Variants in NEK11 observed in about 807,000 individuals in gnomAD.
The protein encoded by NEK11 is NIMA related kinase 11.
In NEK11, 72 loss-of-function variants were observed where a neutral mutation model predicts 80.7. The ratio of observed to expected loss-of-function variants is 0.89; its 90% CI spans 0.74 to 1.08. The LOEUF (loss-of-function observed/expected upper bound fraction) is 1.08. Ranked by LOEUF, NEK11 falls within the 50% of genes least tolerant of loss-of-function variation. The probability of loss-of-function intolerance (pLI) is 0.00; values close to 1 mark genes in which losing one functional copy is unlikely to be tolerated. For missense variants in NEK11, 764 were observed against 763.6 expected (o/e 1.00, Z -0.01); for synonymous variants, 251 against 260.7 (o/e 0.96, Z 0.36).
intron 7 of NEK11, among the ~76,000 whole-genome samples, chr3:131,139,618 G>T (rs561732423): frequency 1.3e-5 from 2 of 152,310 alleles, no homozygotes; most frequent in East Asian, 3.9e-4. Flanking sequence ...TGTTAATTCT[G>T]TGGGAGAGCA....
chr3:131,342,858 G>C (rs1468466021), intron 17 of NEK11, among the ~76,000 whole-genome samples: 1 of 152,000 alleles, frequency 6.6e-6, no homozygotes, highest in African/African-American at 2.4e-5. Context: ...AAATACTTCA[G>C]GCTGGCCAAT....
At chr3:131,247,826 A>C (rs2108221490) in intron 16 of NEK11, among the ~76,000 whole-genome samples, 1 of 128,962 alleles carries the variant, frequency 7.8e-6, no homozygotes, top group South Asian at 3.0e-4. Flanking sequence ...ATTTGGTTAA[A>C]TGTATTCCTA....
At chr3:131,337,023 T>C (rs2097196771) in intron 17 of NEK11, among the ~76,000 whole-genome samples, 1 of 152,148 alleles carries the variant, frequency 6.6e-6, no homozygotes, top group South Asian at 2.1e-4. Flanking sequence ...GGTGGGACTG[T>C]AAACTAGTTC....
chr3:131,183,958 C>A (rs1251619168), intron 14 of NEK11, among the ~76,000 whole-genome samples: 2 of 152,142 alleles, frequency 1.3e-5, no homozygotes, highest in African/African-American at 4.8e-5. Flanking sequence ...TGTTTCTCGA[C>A]TTTTTATAAT....
intron 17 of NEK11, among the ~76,000 whole-genome samples, chr3:131,282,978 T>G (rs888854222): frequency 6.6e-6 from 1 of 152,054 alleles, no homozygotes; most frequent in Non-Finnish European, 1.5e-5. Context: ...TGCCAGGGAG[T>G]GTGCTAAGAC....
chr3:131,046,245 A>G (rs1270592581), intron 3 of NEK11, among the ~76,000 whole-genome samples: 1 of 152,084 alleles, frequency 6.6e-6, no homozygotes, highest in African/African-American at 2.4e-5. Flanking sequence ...GTGTATTGCG[A>G]AAATGTGTTT....
intron 4 of NEK11, among the ~76,000 whole-genome samples, chr3:131,096,384 T>C (rs1003714972): frequency 2.0e-5 from 3 of 152,160 alleles, no homozygotes; most frequent in Admixed American, 2.0e-4. Flanking sequence ...TGTGGAGTAT[T>C]CCGTGGTGTA....
At chr3:131,167,537 A>G (rs1042011742) in intron 12 of NEK11, among the ~76,000 whole-genome samples, 24 of 152,116 alleles carry the variant, frequency 1.6e-4, no homozygotes, top group African/African-American at 4.8e-4. Flanking sequence ...TGGAATTATT[A>G]TTGGTGTTAT....
intron 15 of NEK11, among the ~76,000 whole-genome samples, chr3:131,229,116 C>T (rs1234833541): frequency 6.6e-6 from 1 of 152,114 alleles, no homozygotes; most frequent in Non-Finnish European, 1.5e-5. Context: ...TAAAGACTGA[C>T]TTAGTTTTGG....
chr3:131,321,913 C>T (rs2096901297), intron 17 of NEK11, among the ~76,000 whole-genome samples: 1 of 152,162 alleles, frequency 6.6e-6, no homozygotes, highest in South Asian at 2.1e-4. Context: ...AGTTCAGCCA[C>T]TGTGGAAAGC....
intron 4 of NEK11, among the ~76,000 whole-genome samples, chr3:131,100,953 T>C (rs1361206453): frequency 6.6e-6 from 1 of 152,200 alleles, no homozygotes; most frequent in East Asian, 1.9e-4. Flanking sequence ...AATCTCTTCC[T>C]GATTCAGTCT....
At chr3:131,164,013 G>A (rs1220303279) in intron 11 of NEK11, among the ~76,000 whole-genome samples, 6 of 152,138 alleles carry the variant, frequency 3.9e-5, no homozygotes, top group African/African-American at 1.4e-4. Flanking sequence ...ACAAATCTAC[G>A]CATTTTGTTC....
At chr3:131,199,592 G>A (rs1262075152) in intron 14 of NEK11, among the ~76,000 whole-genome samples, 1 of 151,042 alleles carries the variant, frequency 6.6e-6, no homozygotes, top group Non-Finnish European at 1.5e-5. Context: ...AGAATACAAT[G>A]CTTTTTTTTT....
rs2096265023 is a variant in NEK11 at position 131,274,747 on chromosome 3, G to A, written c.1718+1173G>A. 2.2e-5 allele frequency among the ~76,000 whole-genome samples: 3 copies of A among 136,534 alleles called. No homozygotes were observed. In the East Asian group the frequency reaches 7.2e-4, roughly 33 times the overall value. 89.6% of individuals were successfully genotyped at this position (136,534 alleles called of 152,430 possible). A position where few individuals can be genotyped will look rare whatever the true frequency, so the allele number is the denominator to read the frequency against. On this transcript the variant is annotated intron_variant, in intron 17 of 17. Coordinates refer to ENST00000383366, the MANE Select transcript of NEK11 (RefSeq NM_024800.5). Reference sequence around the variant, plus strand: ...CGGCTCACTGCAAGCTCTGCTTCCCGGGTTCACGCCATTCTCCTGCCTCAG... The same window carrying A: ...CGGCTCACTGCAAGCTCTGCTTCCCAGGTTCACGCCATTCTCCTGCCTCAG...
At chr3:131,044,422 C>CAAAAAAAAAAA (rs57412173) in intron 3 of NEK11, among the ~76,000 whole-genome samples, 8 of 37,760 alleles carry the variant, frequency 2.1e-4, no homozygotes, top group South Asian at 2.0e-3. Context: ...AAATGGAAAG[C>CAAAAAAAAAAA]AAAAAAAAAA....
At chr3:131,120,086 C>A (rs562391831) in intron 5 of NEK11, among the ~76,000 whole-genome samples, 192 of 152,296 alleles carry the variant, frequency 1.3e-3, no homozygotes, top group African/African-American at 4.4e-3. Context: ...ATGGTCTTTA[C>A]AATTTGGCAT....
intron 14 of NEK11, among the ~76,000 whole-genome samples, chr3:131,185,197 AT>A (rs1198324583): frequency 6.6e-6 from 1 of 152,132 alleles, no homozygotes; most frequent in African/African-American, 2.4e-5. Flanking sequence ...ACGTGAAAAT[AT>A]TTTTTTAGTG....
chr3:131,234,783 A>T (rs1446380048), intron 15 of NEK11, among the ~76,000 whole-genome samples: 1 of 150,230 alleles, frequency 6.7e-6, no homozygotes, highest in African/African-American at 2.5e-5. Flanking sequence ...TTTTTTTTTT[A>T]CATTATATCA....
chr3:131,178,421 C>T (rs2093160947), intron 14 of NEK11, among the ~76,000 whole-genome samples: 3 of 152,196 alleles, frequency 2.0e-5, no homozygotes, highest in African/African-American at 7.2e-5. Context: ...CATTGTACAG[C>T]TGTACAAGAA....
Sources: gnomAD v4.1 joint callset for allele counts (sites outside exome capture counted in the v4.1 genomes callset) on GRCh38, gnomAD v4.1.1 for gene constraint, MANE v1.5 for transcripts, NCBI Gene and HGNC (gene_info 2026-07-23, HGNC 2026-07-21) for gene names.